The following GFOD1 variants were observed in gnomAD, a reference collection of about 807,000 sequenced individuals.
GFOD1 encodes the protein Gfo/Idh/MocA-like oxidoreductase domain containing 1.
In GFOD1, 9 loss-of-function variants were observed where a neutral mutation model predicts 25.4. The ratio of observed to expected loss-of-function variants is 0.35; its 90% confidence interval spans 0.21 to 0.62. The LOEUF is 0.62. Among genes scored for constraint, GFOD1 ranks in the 20% least tolerant of loss-of-function variants. GFOD1 has a pLI of 0.72. For missense variants in GFOD1, 403 were observed against 556.9 expected (o/e 0.72, Z 2.78); for synonymous variants, 253 against 245.6 (o/e 1.03, Z -0.28).
At chr6:13,399,984 T>C (rs1019723527) in intron 1 of GFOD1, among the ~76,000 whole-genome samples, 1 of 152,194 alleles carries the variant, frequency 6.6e-6, no homozygotes, top group Non-Finnish European at 1.5e-5. Flanking sequence ...ATACATCATT[T>C]CTTTCTCCTA....
intron 1 of GFOD1, among the ~76,000 whole-genome samples, chr6:13,382,446 T>C (rs1277105307): frequency 6.6e-6 from 1 of 152,172 alleles, no homozygotes; most frequent in African/African-American, 2.4e-5. Flanking sequence ...ACTCACTCTC[T>C]TGCCTGCCAC....
chr6:13,397,446 C>T (rs910902204), intron 1 of GFOD1, among the ~76,000 whole-genome samples: 1 of 152,240 alleles, frequency 6.6e-6, no homozygotes, highest in African/African-American at 2.4e-5. Context: ...TGATCTGCAT[C>T]TTCACTTTTC....
At chr6:13,469,242 A>T (rs1216117634) in intron 1 of GFOD1, 1 of 985,554 alleles carries the variant, frequency 1.0e-6, no homozygotes, top group Non-Finnish European at 1.2e-6. Flanking sequence ...ACACCAGAAC[A>T]GATGGAGGAA....
At chr6:13,366,674 T>C (rs2127554852) in intron 1 of GFOD1, among the ~76,000 whole-genome samples, 1 of 152,150 alleles carries the variant, frequency 6.6e-6, no homozygotes, top group East Asian at 1.9e-4. Context: ...CAATTTTTTT[T>C]TAAGAGACAG....
intron 1 of GFOD1, among the ~76,000 whole-genome samples, chr6:13,465,149 C>A (rs940446858): frequency 1.3e-5 from 2 of 151,910 alleles, no homozygotes; most frequent in Admixed American, 6.6e-5. Flanking sequence ...GGTGTCCAAT[C>A]TTTTGGCTTC....
In GFOD1 at chr6:13,363,555, CTTTTTTTTTTTTT is replaced by C. The variant is rs72062296; in HGVS notation, c.*1175_*1187del. On this transcript the variant is annotated 3_prime_UTR_variant, in exon 2 of 2. Coordinates refer to ENST00000379287, the MANE Select transcript of GFOD1 (RefSeq NM_018988.4). ...GCAAATGCTGGAGCTAAGGAAAATCCTTTTTTTTTTTTTTTTTTTTTTTTTTTTTGTAAGGAAA... is the reference window on the plus strand; with the variant it reads ...GCAAATGCTGGAGCTAAGGAAAATCCTTTTTTTTTTTTTTTTGTAAGGAAA... 325 of 78,980 alleles carry C rather than the reference CTTTTTTTTTTTTT, an allele frequency of 4.1e-3. 3 individuals are homozygous for C. The highest frequency in any genetic ancestry group is 5.0e-3 in the Non-Finnish European group (216 of 43,058). 4.9% of individuals were successfully genotyped at this position (78,980 alleles called of 1,614,324 possible).
rs776476714 is a variant in GFOD1, at chr6:13,364,824, G to C, written c.1092C>G (p.Ile364Met). 2 of 1,614,090 alleles carry C rather than the reference G, an allele frequency of 1.2e-6. No homozygotes were observed. The highest frequency in any genetic ancestry group is 2.2e-5 in the South Asian group (2 of 91,088). Residue 364 changes from isoleucine to methionine, a missense_variant, in exon 2 of 2, where the codon ATC becomes ATG. Ile to Met is a conservative substitution (Grantham distance 10). Coordinates refer to ENST00000379287, the MANE Select transcript of GFOD1 (RefSeq NM_018988.4). This position sits in a 1 kb window ranked among gnomAD's most constrained non-coding sequence, Gnocchi z 4.1. ...GGCTCAGCTCCGGCTCCTCGGTCAT[G>C]ATGGCAATGTTCTGCCACTCGCCCG... ...SQTGEWQNIA[I>M]MTEEPELSPA...
chr6:13,475,719 AAATAATAATAATAAT>A (rs56303574), intron 1 of GFOD1, among the ~76,000 whole-genome samples: 4,815 of 135,478 alleles, frequency 0.036, 266 homozygotes, highest in African/African-American at 0.12. Flanking sequence ...CTCCATCTCA[AAATAATAATAATAAT>A]AATAATAATA....
intron 1 of GFOD1, among the ~76,000 whole-genome samples, chr6:13,436,467 GT>G (rs1436815260): frequency 6.6e-6 from 1 of 152,094 alleles, no homozygotes; most frequent in East Asian, 1.9e-4. Context: ...CACATATTAA[GT>G]TTTCACTTAC....
chr6:13,410,389 G>A (rs1156605137), intron 1 of GFOD1, among the ~76,000 whole-genome samples: 10 of 152,106 alleles, frequency 6.6e-5, no homozygotes. Flanking sequence ...CCAACATAAC[G>A]AAACCCCATC....
intron 1 of GFOD1, among the ~76,000 whole-genome samples, chr6:13,480,555 C>T (rs772675675): frequency 1.3e-5 from 2 of 152,126 alleles, no homozygotes; most frequent in African/African-American, 2.4e-5. Flanking sequence ...CACTCTGTCG[C>T]CCAGACTGGA....
chr6:13,480,830 C>G (rs1197182715), intron 1 of GFOD1, among the ~76,000 whole-genome samples: 1 of 152,202 alleles, frequency 6.6e-6, no homozygotes, highest in Non-Finnish European at 1.5e-5. Context: ...TACAACCACA[C>G]ATGAAAGTCT....
intron 1 of GFOD1, among the ~76,000 whole-genome samples, chr6:13,377,682 AAC>A (rs1785281704): frequency 6.6e-6 from 1 of 152,188 alleles, no homozygotes; most frequent in Non-Finnish European, 1.5e-5. Flanking sequence ...TCACAGAAGT[AAC>A]ACCAAGTGGC....
At chr6:13,405,248 A>G (rs750707646) in intron 1 of GFOD1, among the ~76,000 whole-genome samples, 1 of 152,258 alleles carries the variant, frequency 6.6e-6, no homozygotes, top group South Asian at 2.1e-4. Context: ...ATAGACCAGT[A>G]CTTTCCCAAT....
At chr6:13,389,498 C>T (rs1321841734) in intron 1 of GFOD1, among the ~76,000 whole-genome samples, 1 of 151,638 alleles carries the variant, frequency 6.6e-6, no homozygotes, top group Admixed American at 6.6e-5. Flanking sequence ...TCATTCTCAG[C>T]AAACTATCAC....
At chr6:13,371,226 T>C (rs1785148966) in intron 1 of GFOD1, among the ~76,000 whole-genome samples, 1 of 152,220 alleles carries the variant, frequency 6.6e-6, no homozygotes, top group Non-Finnish European at 1.5e-5. Flanking sequence ...CAGCCATGGC[T>C]AATTTCCTAA....
intron 1 of GFOD1, among the ~76,000 whole-genome samples, chr6:13,399,603 T>C (rs960164129): frequency 6.6e-6 from 1 of 152,108 alleles, no homozygotes; most frequent in African/African-American, 2.4e-5. Flanking sequence ...AAAACCGGTA[T>C]GCGGAGTGAA....
chr6:13,474,994 G>A (rs1178460279), intron 1 of GFOD1, among the ~76,000 whole-genome samples: 1 of 152,116 alleles, frequency 6.6e-6, no homozygotes, highest in East Asian at 1.9e-4. Flanking sequence ...AAAATAAGAG[G>A]AAGTATATGA....
intron 1 of GFOD1, among the ~76,000 whole-genome samples, chr6:13,389,717 C>T (rs1291033681): frequency 1.3e-5 from 2 of 152,032 alleles, no homozygotes; most frequent in Non-Finnish European, 1.5e-5. Flanking sequence ...ACCTATGTAA[C>T]AAACCTGCAA....
Sources: allele counts gnomAD v4.1 joint callset (sites outside exome capture counted in the v4.1 genomes callset), GRCh38; gene constraint gnomAD v4.1.1; non-coding constraint Gnocchi (gnomAD v3.1); transcripts MANE v1.5; gene names NCBI Gene and HGNC (gene_info 2026-07-23, HGNC 2026-07-21).